Variants in CWF19L2 observed in about 807,000 individuals in gnomAD.
The protein encoded by CWF19L2 is CWF19 like cell cycle control factor 2.
In CWF19L2, 98 loss-of-function variants were observed where a neutral mutation model predicts 111.7. The observed-to-expected ratio is 0.88, with a 90% CI of 0.75 to 1.04. The LOEUF is 1.04. CWF19L2 is among the 50% of genes least tolerant of loss of function. The probability of loss-of-function intolerance (pLI) is 0.00; values close to 1 mark genes in which losing one functional copy is unlikely to be tolerated. For missense variants in CWF19L2, 1,101 were observed against 1,051.4 expected (o/e 1.05, Z -0.65); for synonymous variants, 351 against 342.9 (o/e 1.02, Z -0.26).
intron 12 of CWF19L2, among the ~76,000 whole-genome samples, chr11:107,359,269 T>A (rs929071814): frequency 3.3e-5 from 5 of 152,222 alleles, no homozygotes; most frequent in Non-Finnish European, 5.9e-5. Flanking sequence ...CTTACTGGAA[T>A]AGATACTTTG....
In CWF19L2 at chr11:107,378,895, A is replaced by G. The variant is rs189704441; in HGVS notation, c.1872+11179T>C. Among the ~76,000 whole-genome samples the G allele has an allele frequency of 1.4e-4, 22 of 152,334 alleles. 1 individual carries two copies. In the East Asian group the frequency reaches 4.2e-3, roughly 29 times the overall value. ...TAGTGTGATGGCAACAGGAACAAAG[A>G]GAAGTAGATTGGGCATAGGAAGACA... On this transcript the variant is annotated intron_variant, in intron 12 of 17. Transcript: ENST00000282251.
Position 107,368,125 on chromosome 11 carries a change from C to CA in CWF19L2, c.1873-14390dup, listed in dbSNP as rs1491279919. ...GGCAGAATAAATTGAGACCCCCCCC[C>CA]ACACAAAAATACAAAAGATCAGTAA... is the stretch of plus-strand genomic sequence containing the variant. On this transcript the variant is annotated intron_variant, in intron 12 of 17. Transcript: ENST00000282251. Among the ~76,000 whole-genome samples, 2 of 66,536 alleles carry CA rather than the reference C, an allele frequency of 3.0e-5. 1 individual carries two copies. The highest frequency in any genetic ancestry group is 2.8e-4 in the Admixed American group (2 of 7,070). The allele number at this position is 66,536 out of a possible 152,430, so 43.7% of individuals were successfully genotyped here.
At chr11:107,429,994 A>G (rs1861441904) in intron 7 of CWF19L2, among the ~76,000 whole-genome samples, 1 of 152,066 alleles carries the variant, frequency 6.6e-6, no homozygotes, top group South Asian at 2.1e-4. Flanking sequence ...AGAAAAAAAG[A>G]TACATGAACA....
At chr11:107,406,700 A>T (rs1159042394) in intron 10 of CWF19L2, among the ~76,000 whole-genome samples, 6 of 146,366 alleles carry the variant, frequency 4.1e-5, no homozygotes, top group Admixed American at 2.0e-4. Flanking sequence ...TTTTTTTTAG[A>T]TTGGCCTTCT....
intron 1 of CWF19L2, 120 bp from the exon 2 acceptor site, chr11:107,455,896 T>C (rs1206728813): frequency 3.4e-6 from 2 of 583,794 alleles, no homozygotes; most frequent in Non-Finnish European, 6.1e-6. Flanking sequence ...AATGAATGTC[T>C]ATTCCTTGCC....
At chr11:107,447,077 G>C (rs902465975) in intron 3 of CWF19L2, among the ~76,000 whole-genome samples, 4 of 152,068 alleles carry the variant, frequency 2.6e-5, no homozygotes, top group African/African-American at 4.8e-5. Flanking sequence ...GGGATCTTGA[G>C]GACTTCTGCT....
chr11:107,409,903 C>A (rs758302863), intron 10 of CWF19L2, among the ~76,000 whole-genome samples: 79 of 152,088 alleles, frequency 5.2e-4, no homozygotes, highest in Non-Finnish European at 6.5e-4. Context: ...ATGTCTTGGT[C>A]ATCTACAAGA....
chr11:107,455,238 A>C (rs1861836813), intron 2 of CWF19L2, among the ~76,000 whole-genome samples: 3 of 152,150 alleles, frequency 2.0e-5, no homozygotes, highest in Admixed American at 1.3e-4. Context: ...ATCTTTCTAT[A>C]ATGTATACAT....
At chr11:107,364,276 T>G (rs1860403409) in intron 12 of CWF19L2, among the ~76,000 whole-genome samples, 1 of 145,142 alleles carries the variant, frequency 6.9e-6, no homozygotes, top group African/African-American at 2.6e-5. Flanking sequence ...AGACAGAAAG[T>G]CAACAAGGAT....
intron 14 of CWF19L2, among the ~76,000 whole-genome samples, chr11:107,338,635 A>G (rs975507999): frequency 9.9e-5 from 15 of 152,012 alleles, no homozygotes; most frequent in African/African-American, 3.4e-4. Context: ...TGTTCTCATC[A>G]TTTAGCTCCC....
intron 12 of CWF19L2, among the ~76,000 whole-genome samples, chr11:107,387,383 A>T (rs1323601500): frequency 6.6e-6 from 1 of 152,008 alleles, no homozygotes; most frequent in Non-Finnish European, 1.5e-5. Flanking sequence ...CTGCCTTCTC[A>T]AAAGAGCAGC....
intron 10 of CWF19L2, among the ~76,000 whole-genome samples, chr11:107,411,878 G>C (rs774977587): frequency 2.0e-5 from 3 of 152,052 alleles, no homozygotes; most frequent in Admixed American, 2.0e-4. Flanking sequence ...GAGGGACAAA[G>C]GCAGAGACGG....
At position 107,327,048 on chromosome 11, in the gene CWF19L2, G is replaced by C; in HGVS notation, c.2547C>G (p.Ile849Met). Reference protein sequence around the residue: ...HKFPHYFGKEIIGGMLDIEPR... With the variant: ...HKFPHYFGKEMIGGMLDIEPR... ...GTTCTATATCCAGCATCCCACCTATGATTTCCTTTTAAAGAAAGAGAAAAG... is the reference window on the plus strand; with the variant it reads ...GTTCTATATCCAGCATCCCACCTATCATTTCCTTTTAAAGAAAGAGAAAAG... The change falls in exon 18 of 18, where the codon ATC (isoleucine) becomes ATG (methionine). Residue 849 changes from isoleucine to methionine, a missense_variant. Coordinates refer to ENST00000282251, the MANE Select transcript of CWF19L2 (RefSeq NM_152434.3). 6.3e-7 allele frequency: 1 copy of C among 1,588,494 alleles called. No homozygotes were observed. The highest frequency in any genetic ancestry group is 8.5e-7 in the Non-Finnish European group (1 of 1,171,800).
chr11:107,339,203 T>C (rs1440606783), intron 14 of CWF19L2, among the ~76,000 whole-genome samples: 1 of 152,208 alleles, frequency 6.6e-6, no homozygotes, highest in East Asian at 1.9e-4. Context: ...ATTCCTGATA[T>C]GGATGTGCCC....
intron 10 of CWF19L2, among the ~76,000 whole-genome samples, chr11:107,408,408 T>C (rs959847504): frequency 6.6e-6 from 1 of 151,806 alleles, no homozygotes; most frequent in African/African-American, 2.4e-5. Context: ...GTGGTAGATA[T>C]AAAAAACAAA....
intron 10 of CWF19L2, among the ~76,000 whole-genome samples, chr11:107,412,309 G>A (rs1173144448): frequency 3.3e-5 from 5 of 152,136 alleles, no homozygotes; most frequent in Non-Finnish European, 7.3e-5. Context: ...TCCAGCAACC[G>A]CATTCCTTGA....
intron 10 of CWF19L2, among the ~76,000 whole-genome samples, chr11:107,407,893 T>C (rs989012489): frequency 6.6e-6 from 1 of 152,022 alleles, no homozygotes; most frequent in African/African-American, 2.4e-5. Context: ...ATACATCCTA[T>C]AGTCATATGA....
intron 1 of CWF19L2, among the ~76,000 whole-genome samples, chr11:107,457,253 T>A (rs1036125865): frequency 6.6e-6 from 1 of 152,204 alleles, no homozygotes; most frequent in Admixed American, 6.5e-5. Context: ...AAGTCTGGAA[T>A]TGATACCAAT....
chr11:107,404,014 G>T, intron 10 of CWF19L2: 1 of 784,962 alleles, frequency 1.3e-6, no homozygotes. Flanking sequence ...GGATTTCACT[G>T]AAGAGGTGAT....
Sources: allele counts gnomAD v4.1 joint callset (sites outside exome capture counted in the v4.1 genomes callset), GRCh38; gene constraint gnomAD v4.1.1; transcripts MANE v1.5; gene names NCBI Gene and HGNC (gene_info 2026-07-23, HGNC 2026-07-21).